The following USP6NL variants were observed in gnomAD, a reference collection of about 807,000 sequenced individuals.
The protein encoded by USP6NL is USP6 N-terminal like.
Under a neutral mutation model 61.9 loss-of-function variants are expected in USP6NL, and 26 were observed. The observed-to-expected ratio is 0.42, with a 90% CI of 0.31 to 0.58. USP6NL has a LOEUF of 0.58. Among genes scored for constraint, USP6NL ranks in the 20% least tolerant of loss-of-function variants. USP6NL has a pLI of 0.16. For missense variants in USP6NL, 1,114 were observed against 1,034.3 expected, an observed-to-expected ratio of 1.08 and a Z score of -1.06; for synonymous variants, 432 against 390.1, an observed-to-expected ratio of 1.11 and a Z score of -1.27.
chr10:11,536,699 G>A (rs937134382), intron 2 of USP6NL, among the ~76,000 whole-genome samples: 1 of 152,110 alleles, frequency 6.6e-6, no homozygotes, highest in Non-Finnish European at 1.5e-5. Flanking sequence ...ATTTAAGGTT[G>A]ACAATCCAAT....
At chr10:11,569,696 T>C (rs959934251) in intron 2 of USP6NL, among the ~76,000 whole-genome samples, 26 of 152,166 alleles carry the variant, frequency 1.7e-4, no homozygotes, top group African/African-American at 6.3e-4. Context: ...CAGCAAGTAT[T>C]CTGATGTAGC....
At chr10:11,610,970 T>A (rs1205891660) in intron 1 of USP6NL, among the ~76,000 whole-genome samples, 4 of 152,102 alleles carry the variant, frequency 2.6e-5, no homozygotes, top group African/African-American at 9.7e-5. Flanking sequence ...TTCCAAGACT[T>A]GCAGATCTCT....
intron 14 of USP6NL, among the ~76,000 whole-genome samples, chr10:11,473,316 T>C (rs998792071): frequency 2.6e-5 from 4 of 152,222 alleles, no homozygotes; most frequent in Non-Finnish European, 5.9e-5. Flanking sequence ...CCCAGGGAAC[T>C]TTCTGTCTAA....
intron 4 of USP6NL, among the ~76,000 whole-genome samples, chr10:11,523,913 C>T (rs995434785): frequency 2.0e-5 from 3 of 152,160 alleles, no homozygotes; most frequent in Non-Finnish European, 4.4e-5. Context: ...TAAACAGTTT[C>T]CCAGCTGATT....
chr10:11,554,801 C>CAT (rs1836617097), intron 2 of USP6NL, among the ~76,000 whole-genome samples: 1 of 128,276 alleles, frequency 7.8e-6, no homozygotes, highest in African/African-American at 2.8e-5. Flanking sequence ...AGTAAGGCAG[C>CAT]TTTTTTTTTT....
At position 11,525,412 on chromosome 10, in the gene USP6NL, T is replaced by C. The variant is rs533928327; in HGVS notation, c.129A>G (p.Lys43=). The C allele has an allele frequency of 1.2e-6, 2 of 1,601,038 alleles. No homozygotes were observed. The highest frequency in any genetic ancestry group is 2.3e-5 in the South Asian group (2 of 87,584). Residue 43 remains lysine, a synonymous_variant, in exon 4 of 15, where the codon AAA becomes AAG. Transcript: ENST00000609104. This position sits in a 1 kb window ranked among gnomAD's most constrained non-coding sequence, Gnocchi z 5.0. Reference sequence around the variant, plus strand: ...GTAAAAAGCCAAATCTATCTGTGACTTTGTAAACAAGGTAATCAGCATCTT... The same window carrying C: ...GTAAAAAGCCAAATCTATCTGTGACCTTGTAAACAAGGTAATCAGCATCTT... ...PWEDADYLVY[K]VTDRFGFLHE... is the part of the protein sequence containing the mutation.
At chr10:11,497,479 T>C (rs920418633) in intron 7 of USP6NL, among the ~76,000 whole-genome samples, 2 of 151,202 alleles carry the variant, frequency 1.3e-5, no homozygotes, top group African/African-American at 4.9e-5. Flanking sequence ...TCAACTGTTG[T>C]TCTACAGGCT....
In USP6NL at chr10:11,490,811, G is replaced by C; in HGVS notation, c.543+21C>G. On this transcript the variant is annotated intron_variant, in intron 9 of 14. Transcript: ENST00000609104. The surrounding 1 kb of genome is among the most constrained non-coding windows in gnomAD (Gnocchi z 4.5). ...CTCAGAATACAACTCAAAGACCTTG[G>C]GCAGGCAGGCCCCAACTTACCGTGT... The C allele has an allele frequency of 6.4e-7, 1 of 1,551,676 alleles. No homozygotes were observed. The highest frequency in any genetic ancestry group is 2.4e-5 in the East Asian group (1 of 41,164).
chr10:11,571,247 C>A (rs900633510), intron 2 of USP6NL, among the ~76,000 whole-genome samples: 8 of 152,068 alleles, frequency 5.3e-5, no homozygotes, highest in Non-Finnish European at 1.2e-4. Context: ...CCACGCCCGG[C>A]TAATTTTGTG....
intron 2 of USP6NL, among the ~76,000 whole-genome samples, chr10:11,546,382 A>G (rs1458596258): frequency 6.6e-6 from 1 of 152,188 alleles, no homozygotes; most frequent in Non-Finnish European, 1.5e-5. Context: ...AATATTATAA[A>G]TAAGAGACAA....
intron 2 of USP6NL, among the ~76,000 whole-genome samples, chr10:11,547,332 C>A (rs1207278033): frequency 6.6e-6 from 1 of 152,106 alleles, no homozygotes; most frequent in African/African-American, 2.4e-5. Context: ...ATTATCGCTG[C>A]CAAATTACAG....
intron 2 of USP6NL, among the ~76,000 whole-genome samples, chr10:11,551,403 G>A (rs1188989017): frequency 1.3e-5 from 2 of 152,172 alleles, no homozygotes; most frequent in African/African-American, 4.8e-5. Flanking sequence ...TTGTTTACTT[G>A]TTTATTTTGG....
chr10:11,544,270 G>A (rs1363205094), intron 2 of USP6NL, among the ~76,000 whole-genome samples: 1 of 151,992 alleles, frequency 6.6e-6, no homozygotes, highest in Non-Finnish European at 1.5e-5. Context: ...TGGGGTGGGG[G>A]AGGGGAGCCT....
At chr10:11,466,891 G>A (rs182327856) in intron 14 of USP6NL, among the ~76,000 whole-genome samples, 9 of 152,258 alleles carry the variant, frequency 5.9e-5, no homozygotes, top group East Asian at 1.9e-4. Context: ...GTGAAAATAC[G>A]CTATTTTCGG....
intron 2 of USP6NL, among the ~76,000 whole-genome samples, chr10:11,560,354 C>T (rs766574965): frequency 3.3e-5 from 5 of 152,150 alleles, no homozygotes; most frequent in East Asian, 1.9e-4. Context: ...AGGTACAGGA[C>T]GGCACCAAGA....
In USP6NL at chr10:11,490,147, C is replaced by T. The variant is rs981819929; in HGVS notation, c.543+685G>A. ...CTTTAAAAACCCCTTTTTAACTTTT[C>T]CTAGTTTGAGCGAATTTCTGTTCTT... On this transcript the variant is annotated intron_variant, in intron 9 of 14. Transcript: ENST00000609104. The surrounding 1 kb of genome is among the most constrained non-coding windows in gnomAD (Gnocchi z 4.5). 1.3e-5 allele frequency among the ~76,000 whole-genome samples: 2 copies of T among 152,186 alleles called. No individual in the cohort carries two copies. Among genetic ancestry groups the T allele is most frequent in the African/African-American group, 4.8e-5 (2 of 41,440 alleles).
chr10:11,594,897 C>T (rs1339598392), intron 2 of USP6NL, among the ~76,000 whole-genome samples: 1 of 152,124 alleles, frequency 6.6e-6, no homozygotes, highest in Non-Finnish European at 1.5e-5. Flanking sequence ...GAGAAACATA[C>T]AAGCAAATAA....
At position 11,495,817 on chromosome 10, in the gene USP6NL, T is replaced by C. The variant is rs1283725584; in HGVS notation, c.385-2589A>G. ...TTTCACGTTAGCTCCCTTCTTCAAA[T>C]GAACAGCAAAACTTCGTTTTCTGCT... On this transcript the variant is annotated intron_variant, in intron 7 of 14. Transcript: ENST00000609104. The surrounding 1 kb of genome is among the most constrained non-coding windows in gnomAD (Gnocchi z 4.6). Among the ~76,000 whole-genome samples the C allele has an allele frequency of 6.6e-6, 1 of 152,248 alleles. No homozygotes were observed. Among genetic ancestry groups the C allele is most frequent in the African/African-American group, 2.4e-5 (1 of 41,466 alleles).
At position 11,555,109 on chromosome 10, in the gene USP6NL, G is replaced by GT. The variant is rs1187617728; in HGVS notation, c.5-27543dup. 4.2e-3 allele frequency among the ~76,000 whole-genome samples: 357 copies of GT among 85,542 alleles called. 2 individuals carry two copies. The highest frequency in any genetic ancestry group is 6.7e-3 in the Admixed American group (55 of 8,226). The allele number at this position is 85,542 out of a possible 152,430, so 56.1% of individuals were successfully genotyped here. Reference sequence around the variant, plus strand: ...CCTGGCCTGTTTTTTTTTTTTTTTGGTTTTTTTTTTTAAGAATCCTATGAG... The same window carrying GT: ...CCTGGCCTGTTTTTTTTTTTTTTTGGTTTTTTTTTTTTAAGAATCCTATGAG... On this transcript the variant is annotated intron_variant, in intron 2 of 14. Transcript: ENST00000609104.
Sources: allele counts gnomAD v4.1 joint callset (sites outside exome capture counted in the v4.1 genomes callset), GRCh38; gene constraint gnomAD v4.1.1; non-coding constraint Gnocchi (gnomAD v3.1); transcripts MANE v1.5; gene names NCBI Gene and HGNC (gene_info 2026-07-23, HGNC 2026-07-21).